Variants in GALNT13 observed in about 807,000 individuals in gnomAD.
GALNT13 encodes the protein UDP-GalNAc:polypeptide N-acetylgalactosaminyltransferase 13.
Under a neutral mutation model 64.2 loss-of-function variants are expected in GALNT13, and 28 were observed. The observed-to-expected ratio is 0.44, with a 90% CI of 0.32 to 0.60. The LOEUF is 0.60. Ranked by LOEUF, GALNT13 falls within the 20% of genes least tolerant of loss-of-function variation. The pLI, the probability that GALNT13 is intolerant of heterozygous loss-of-function variation, is 0.05. For missense variants in GALNT13, 577 were observed against 669.8 expected, an observed-to-expected ratio of 0.86 and a Z score of 1.53; for synonymous variants, 214 against 224.6, an observed-to-expected ratio of 0.95 and a Z score of 0.42.
chr2:153,484,032 T>C, the GALNT13 span, among the ~76,000 whole-genome samples: 1 of 152,210 alleles, frequency 6.6e-6, no homozygotes, highest in African/African-American at 2.4e-5. Context: ...TAGTTTTATG[T>C]TTTATGTACT....
chr2:153,293,771 G>C, the GALNT13 span, among the ~76,000 whole-genome samples: 1 of 109,348 alleles, frequency 9.1e-6, no homozygotes. Flanking sequence ...TTGTGTGTGT[G>C]TGTGTGTGTG....
intron 11 of GALNT13, among the ~76,000 whole-genome samples, chr2:154,418,354 A>C (rs893311404): frequency 1.1e-4 from 17 of 152,168 alleles, no homozygotes; most frequent in Non-Finnish European, 2.4e-4. Context: ...GTGGCAAAAA[A>C]TATTTTGTAG....
At chr2:153,888,561 G>A (rs1046149161) in intron 1 of GALNT13, among the ~76,000 whole-genome samples, 1 of 151,834 alleles carries the variant, frequency 6.6e-6, no homozygotes, top group African/African-American at 2.4e-5. Flanking sequence ...CATTTCCTTA[G>A]TGCTCCTGTT....
intron 4 of GALNT13, among the ~76,000 whole-genome samples, chr2:154,188,276 A>G (rs1161773003): frequency 6.6e-6 from 1 of 152,162 alleles, no homozygotes; most frequent in African/African-American, 2.4e-5. Flanking sequence ...CTTGAACTAT[A>G]TGGACTGAGT....
At chr2:153,456,198 C>A in the GALNT13 span, among the ~76,000 whole-genome samples, 2 of 152,306 alleles carry the variant, frequency 1.3e-5, no homozygotes, top group South Asian at 2.1e-4. Flanking sequence ...CTTTGGGCCA[C>A]GATTTCAGGC....
chr2:153,170,355 T>A, the GALNT13 span, among the ~76,000 whole-genome samples: 2 of 152,212 alleles, frequency 1.3e-5, no homozygotes, highest in East Asian at 3.8e-4. Context: ...CACATCTTGT[T>A]AAGATTTAAG....
chr2:153,558,708 T>G, the GALNT13 span, among the ~76,000 whole-genome samples: 3 of 152,230 alleles, frequency 2.0e-5, no homozygotes, highest in African/African-American at 7.2e-5. Context: ...TCTACAGCAT[T>G]CCTGGACATG....
the GALNT13 span, among the ~76,000 whole-genome samples, chr2:153,538,084 C>A: frequency 2.0e-5 from 3 of 152,074 alleles, 1 homozygote; most frequent in Admixed American, 6.5e-5. Flanking sequence ...TCCCTGGAGA[C>A]TTGTTGAATG....
At chr2:153,922,277 T>G (rs184859909) in intron 2 of GALNT13, among the ~76,000 whole-genome samples, 1 of 152,264 alleles carries the variant, frequency 6.6e-6, no homozygotes, top group East Asian at 1.9e-4. Context: ...GATAAGATAC[T>G]TTGAACTGGA....
chr2:153,381,139 G>A, the GALNT13 span, among the ~76,000 whole-genome samples: 2 of 151,936 alleles, frequency 1.3e-5, no homozygotes, highest in African/African-American at 2.4e-5. Context: ...TAGAGACAGG[G>A]TGTCACCATG....
intron 4 of GALNT13, among the ~76,000 whole-genome samples, chr2:154,161,093 G>T (rs1320019638): frequency 6.6e-6 from 1 of 152,062 alleles, no homozygotes; most frequent in African/African-American, 2.4e-5. Context: ...TGACTCCAAA[G>T]TTTTACTCTT....
chr2:153,130,473 A>G, the GALNT13 span, among the ~76,000 whole-genome samples: 1 of 152,036 alleles, frequency 6.6e-6, no homozygotes, highest in Non-Finnish European at 1.5e-5. Context: ...ATTTGCTGAA[A>G]ACTCTCTAAG....
intron 3 of GALNT13, among the ~76,000 whole-genome samples, chr2:153,978,406 C>T (rs1033414091): frequency 8.6e-5 from 13 of 151,840 alleles, no homozygotes; most frequent in Non-Finnish European, 7.4e-5. Flanking sequence ...TTTTCTATGT[C>T]TGATATGGTT....
the GALNT13 span, among the ~76,000 whole-genome samples, chr2:153,493,848 T>A: frequency 6.6e-6 from 1 of 151,810 alleles, no homozygotes; most frequent in Non-Finnish European, 1.5e-5. Context: ...GAAAAAAAAA[T>A]CATAGTAGTT....
the GALNT13 span, among the ~76,000 whole-genome samples, chr2:153,674,973 A>G: frequency 2.0e-5 from 3 of 152,238 alleles, no homozygotes; most frequent in African/African-American, 7.2e-5. Flanking sequence ...TATCAGAGAA[A>G]TGCAAATCAA....
chr2:153,503,712 A>C, the GALNT13 span, among the ~76,000 whole-genome samples: 4 of 152,088 alleles, frequency 2.6e-5, no homozygotes, highest in Admixed American at 2.0e-4. Context: ...AAGTGCTAGG[A>C]TTACAGGTGT....
chr2:154,252,363 T>TCA (rs1690115025), intron 7 of GALNT13, among the ~76,000 whole-genome samples: 1 of 148,530 alleles, frequency 6.7e-6, no homozygotes, highest in Non-Finnish European at 1.5e-5. Flanking sequence ...TATTATTATT[T>TCA]TTTTTTTTTT....
intron 2 of GALNT13, among the ~76,000 whole-genome samples, chr2:153,926,553 C>T (rs139280390): frequency 1.5e-3 from 222 of 152,134 alleles, no homozygotes; most frequent in African/African-American, 5.2e-3. Context: ...CTTATCTTTC[C>T]AGAGACTGTA....
At chr2:154,317,628 A>T (rs1353755763) in intron 9 of GALNT13, among the ~76,000 whole-genome samples, 2 of 152,182 alleles carry the variant, frequency 1.3e-5, no homozygotes, top group Non-Finnish European at 2.9e-5. Flanking sequence ...TCTAATAAAA[A>T]GCTTTTCAAC....
Sources: allele counts gnomAD v4.1 joint callset (sites outside exome capture counted in the v4.1 genomes callset), GRCh38; gene constraint gnomAD v4.1.1; transcripts MANE v1.5; gene names NCBI Gene and HGNC (gene_info 2026-07-23, HGNC 2026-07-21).